The following DACH1 variants were observed in gnomAD, a reference collection of about 807,000 sequenced individuals.
DACH1 encodes dachshund homolog 1.
A neutral mutation model predicts 54.2 loss-of-function variants in DACH1; 12 were observed. The ratio of observed to expected loss-of-function variants is 0.22; its 90% CI spans 0.14 to 0.36. DACH1 has a LOEUF of 0.36. Among genes scored for constraint, DACH1 ranks in the 10% least tolerant of loss-of-function variants. DACH1 has a pLI of 1.00. For missense variants in DACH1, 805 were observed against 929.8 expected (o/e 0.87, Z 1.75); for synonymous variants, 386 against 366.2 (o/e 1.05, Z -0.62).
chr13:71,662,097 A>T (rs1594064796), intron 2 of DACH1, among the ~76,000 whole-genome samples: 1 of 152,194 alleles, frequency 6.6e-6, no homozygotes, highest in East Asian at 1.9e-4. Flanking sequence ...AATACTGTTG[A>T]TATCGTCTAA....
chr13:71,686,804 G>A (rs1326306933), intron 1 of DACH1, among the ~76,000 whole-genome samples: 3 of 151,978 alleles, frequency 2.0e-5, no homozygotes, highest in Non-Finnish European at 4.4e-5. Context: ...GAAATTTTAA[G>A]TCCAAATCCT....
intron 6 of DACH1, among the ~76,000 whole-genome samples, chr13:71,533,269 T>G (rs1367321599): frequency 4.6e-5 from 7 of 151,964 alleles, no homozygotes; most frequent in Non-Finnish European, 1.0e-4. Context: ...ATTTTCTCCA[T>G]TTCCCTATTT....
At chr13:71,558,360 T>G (rs1040813297) in intron 5 of DACH1, among the ~76,000 whole-genome samples, 1 of 152,056 alleles carries the variant, frequency 6.6e-6, no homozygotes, top group Non-Finnish European at 1.5e-5. Flanking sequence ...TGTGTGTGGA[T>G]GTGGATGTAT....
intron 2 of DACH1, among the ~76,000 whole-genome samples, chr13:71,669,700 T>C (rs1880095782): frequency 6.6e-6 from 1 of 152,142 alleles, no homozygotes; most frequent in Admixed American, 6.5e-5. Context: ...GCAGAACTTA[T>C]GATGGTGGTC....
chr13:71,699,491 A>G (rs1045931375), intron 1 of DACH1, among the ~76,000 whole-genome samples: 4 of 152,212 alleles, frequency 2.6e-5, no homozygotes, highest in African/African-American at 9.6e-5. Context: ...TCTTCCCAGA[A>G]GGCATGGCCT....
At chr13:71,611,840 A>G (rs1420458798) in intron 3 of DACH1, among the ~76,000 whole-genome samples, 1 of 152,086 alleles carries the variant, frequency 6.6e-6, no homozygotes, top group Non-Finnish European at 1.5e-5. Flanking sequence ...CCTCCTTTTT[A>G]TTATTATTCA....
chr13:71,469,889 AAAAAG>A (rs1876918051), intron 10 of DACH1, among the ~76,000 whole-genome samples: 1 of 152,232 alleles, frequency 6.6e-6, no homozygotes, highest in African/African-American at 2.4e-5. Context: ...AGATCAGTCA[AAAAAG>A]AAGAAAAAGC....
At chr13:71,764,320 A>C (rs1885527908) in intron 1 of DACH1, among the ~76,000 whole-genome samples, 1 of 152,194 alleles carries the variant, frequency 6.6e-6, no homozygotes, top group Non-Finnish European at 1.5e-5. Flanking sequence ...GGATTACTTC[A>C]GGAATTCAAG....
At chr13:71,467,568 A>C (rs1177017387) in intron 10 of DACH1, among the ~76,000 whole-genome samples, 1 of 151,906 alleles carries the variant, frequency 6.6e-6, no homozygotes, top group African/African-American at 2.4e-5. Flanking sequence ...CTAAAATTTT[A>C]TAAAATGTTA....
intron 3 of DACH1, among the ~76,000 whole-genome samples, chr13:71,627,109 T>C (rs1171523157): frequency 6.6e-6 from 1 of 151,944 alleles, no homozygotes; most frequent in Non-Finnish European, 1.5e-5. Context: ...AAGGTTACCA[T>C]GTAAAATTGG....
intron 1 of DACH1, among the ~76,000 whole-genome samples, chr13:71,712,760 T>G (rs1038194547): frequency 6.6e-6 from 1 of 152,104 alleles, no homozygotes; most frequent in Non-Finnish European, 1.5e-5. Flanking sequence ...TTCAACCTAT[T>G]TAGTCAGCGT....
At chr13:71,468,943 C>G (rs993927233) in intron 10 of DACH1, among the ~76,000 whole-genome samples, 1 of 152,110 alleles carries the variant, frequency 6.6e-6, no homozygotes, top group Non-Finnish European at 1.5e-5. Context: ...GTATATCATT[C>G]GTTGGCAGTA....
At chr13:71,661,300 T>A (rs944485452) in intron 2 of DACH1, among the ~76,000 whole-genome samples, 1 of 151,570 alleles carries the variant, frequency 6.6e-6, no homozygotes, top group African/African-American at 2.4e-5. Context: ...TCAATTTAAT[T>A]TTTATTAGGT....
chr13:71,456,873 G>A (rs572507360), intron 10 of DACH1, among the ~76,000 whole-genome samples: 2 of 152,102 alleles, frequency 1.3e-5, no homozygotes, highest in South Asian at 2.1e-4. Flanking sequence ...TTCTTTACAA[G>A]TTCAGTGCTC....
chr13:71,787,457 G>C (rs1412480704), intron 1 of DACH1, among the ~76,000 whole-genome samples: 1 of 152,056 alleles, frequency 6.6e-6, no homozygotes, highest in Non-Finnish European at 1.5e-5. Flanking sequence ...CTAGGTTTTA[G>C]GATTTTCAAA....
At chr13:71,476,937 T>G (rs1877570792) in intron 8 of DACH1, among the ~76,000 whole-genome samples, 1 of 151,330 alleles carries the variant, frequency 6.6e-6, no homozygotes, top group Non-Finnish European at 1.5e-5. Context: ...TGAAGACTAA[T>G]CATTCCATAT....
chr13:71,451,143 G>A (rs1403017178), intron 10 of DACH1, among the ~76,000 whole-genome samples: 7 of 152,028 alleles, frequency 4.6e-5, no homozygotes, highest in East Asian at 1.9e-4. Context: ...AAAGCCCTTC[G>A]ACAAAGTGTT....
chr13:71,739,224 C>T (rs1884281876), intron 1 of DACH1, among the ~76,000 whole-genome samples: 2 of 151,826 alleles, frequency 1.3e-5, no homozygotes, highest in African/African-American at 2.4e-5. Context: ...TGCATTCCAG[C>T]CTGGGTGACA....
At chr13:71,854,396 T>C (rs1389771360) in intron 1 of DACH1, among the ~76,000 whole-genome samples, 3 of 152,146 alleles carry the variant, frequency 2.0e-5, no homozygotes, top group African/African-American at 7.2e-5. Context: ...GTCTAAAGGC[T>C]TCCTATTTTG....
Sources: allele counts gnomAD v4.1 joint callset (sites outside exome capture counted in the v4.1 genomes callset), GRCh38; gene constraint gnomAD v4.1.1; transcripts MANE v1.5; gene names NCBI Gene and HGNC (gene_info 2026-07-23, HGNC 2026-07-21).